Variants in ARK2C observed in about 807,000 individuals in gnomAD.
The protein encoded by ARK2C is E3 ubiquitin-protein ligase ARK2C.
At chr18:46,416,704 C>A in the ARK2C span, among the ~76,000 whole-genome samples, 4 of 152,208 alleles carry the variant, frequency 2.6e-5, no homozygotes, top group African/African-American at 9.7e-5. Flanking sequence ...CACATTGCTG[C>A]AGTCAGCTGG....
At chr18:46,389,200 T>G in the ARK2C span, among the ~76,000 whole-genome samples, 1 of 152,212 alleles carries the variant, frequency 6.6e-6, no homozygotes, top group African/African-American at 2.4e-5. Context: ...ACTGTATTTA[T>G]TCACCTCTGA....
At chr18:46,381,335 C>A in the ARK2C span, among the ~76,000 whole-genome samples, 2 of 152,178 alleles carry the variant, frequency 1.3e-5, no homozygotes, top group Non-Finnish European at 2.9e-5. Flanking sequence ...AAACAGTGAC[C>A]CATGCCAAGA....
At chr18:46,435,275 C>G in the ARK2C span, 50 of 1,612,244 alleles carry the variant, frequency 3.1e-5, no homozygotes, top group Non-Finnish European at 3.7e-5. Context: ...GGCTCTCCAT[C>G]CCTTCTGGTG....
chr18:46,421,894 T>C, the ARK2C span, among the ~76,000 whole-genome samples: 1,870 of 152,248 alleles, frequency 0.012, 31 homozygotes, highest in African/African-American at 0.043. Flanking sequence ...TGGGGAAGCA[T>C]CACAAAGCTG....
the ARK2C span, among the ~76,000 whole-genome samples, chr18:46,384,351 G>GT: frequency 6.6e-6 from 1 of 152,228 alleles, no homozygotes; most frequent in African/African-American, 2.4e-5. Flanking sequence ...GTACATGTAT[G>GT]TGTGTGGGGG....
At chr18:46,395,021 A>T in the ARK2C span, among the ~76,000 whole-genome samples, 4 of 152,346 alleles carry the variant, frequency 2.6e-5, no homozygotes, top group African/African-American at 7.2e-5. Context: ...CGGACCAAGA[A>T]TCTGCCAGAA....
the ARK2C span, among the ~76,000 whole-genome samples, chr18:46,404,435 G>C: frequency 4.6e-5 from 7 of 152,206 alleles, no homozygotes; most frequent in African/African-American, 1.7e-4. Context: ...CATCTTCATT[G>C]TATCATTTCA....
the ARK2C span, among the ~76,000 whole-genome samples, chr18:46,369,796 G>A: frequency 6.6e-6 from 1 of 152,154 alleles, no homozygotes; most frequent in Non-Finnish European, 1.5e-5. Context: ...GACTTTGCAT[G>A]CGCATTTCAA....
At chr18:46,355,241 C>A in the ARK2C span, among the ~76,000 whole-genome samples, 2 of 152,092 alleles carry the variant, frequency 1.3e-5, no homozygotes, top group African/African-American at 2.4e-5. Context: ...GCATGAGCCA[C>A]CGGGCCCGGC....
At chr18:46,380,134 C>T in the ARK2C span, among the ~76,000 whole-genome samples, 1 of 152,216 alleles carries the variant, frequency 6.6e-6, no homozygotes, top group Non-Finnish European at 1.5e-5. Flanking sequence ...GAACCTCTGC[C>T]TTCTTCTCCA....
the ARK2C span, among the ~76,000 whole-genome samples, chr18:46,356,305 G>A: frequency 6.6e-5 from 10 of 152,330 alleles, no homozygotes; most frequent in East Asian, 1.9e-3. Context: ...TTCTAGTGGG[G>A]AAGGCAGACA....
chr18:46,343,710 C>T, the ARK2C span, among the ~76,000 whole-genome samples: 1 of 152,218 alleles, frequency 6.6e-6, no homozygotes, highest in Non-Finnish European at 1.5e-5. Context: ...ATGAGAAGAG[C>T]TTCTATTCCT....
the ARK2C span, among the ~76,000 whole-genome samples, chr18:46,428,165 C>T: frequency 5.3e-5 from 8 of 151,818 alleles, no homozygotes; most frequent in Admixed American, 4.6e-4. Context: ...AATCCCAGCA[C>T]GTTGGGAGGC....
chr18:46,338,470 C>T, the ARK2C span, among the ~76,000 whole-genome samples: 2 of 152,156 alleles, frequency 1.3e-5, no homozygotes, highest in South Asian at 4.1e-4. Context: ...ATCTACGGCC[C>T]TAGGGCCTCT....
At chr18:46,377,235 A>C in the ARK2C span, among the ~76,000 whole-genome samples, 4 of 152,198 alleles carry the variant, frequency 2.6e-5, no homozygotes, top group Non-Finnish European at 2.9e-5. Flanking sequence ...ATATCCTTTA[A>C]AGAAAAAAAG....
chr18:46,440,010 AGT>A, the ARK2C span, among the ~76,000 whole-genome samples: 1 of 152,098 alleles, frequency 6.6e-6, no homozygotes, highest in South Asian at 2.1e-4. Flanking sequence ...TTGTATTTTT[AGT>A]AGAGACAGGG....
At chr18:46,336,480 TGGTCTGTG>T in the ARK2C span, 11 of 985,388 alleles carry the variant, frequency 1.1e-5, no homozygotes, top group Non-Finnish European at 1.3e-5. Context: ...AGGGGTGAGT[TGGTCTGTG>T]GGTAAAATTT....
At chr18:46,408,850 C>A in the ARK2C span, among the ~76,000 whole-genome samples, 29 of 152,178 alleles carry the variant, frequency 1.9e-4, no homozygotes, top group Non-Finnish European at 3.7e-4. Flanking sequence ...GCCTTCATCC[C>A]AGTGGTACTG....
chr18:46,423,758 G>A, the ARK2C span, among the ~76,000 whole-genome samples: 1 of 152,232 alleles, frequency 6.6e-6, no homozygotes, highest in African/African-American at 2.4e-5. Flanking sequence ...TTCATCTGTA[G>A]AATGAAGGCT....
Sources: allele counts gnomAD v4.1 joint callset (sites outside exome capture counted in the v4.1 genomes callset), GRCh38; gene constraint gnomAD v4.1.1; transcripts MANE v1.5; gene names NCBI Gene and HGNC (gene_info 2026-07-23, HGNC 2026-07-21).